LHFPL3: variants seen among roughly 807,000 people sequenced by gnomAD.
The protein encoded by LHFPL3 is LHFPL tetraspan subfamily member 3 protein.
In LHFPL3, 5 loss-of-function variants were observed where a neutral mutation model predicts 19.3. That is an observed-to-expected ratio of 0.26 (90% confidence interval 0.14 to 0.54). The LOEUF is 0.54. Among genes scored for constraint, LHFPL3 ranks in the 20% least tolerant of loss-of-function variants. The pLI, the probability that LHFPL3 is intolerant of heterozygous loss-of-function variation, is 0.94. For synonymous variants in LHFPL3, 133 were observed against 126.2 expected, an observed-to-expected ratio of 1.05 and a Z score of -0.36; for missense variants, 249 against 307.4, an observed-to-expected ratio of 0.81 and a Z score of 1.42.
chr7:104,699,107 G>A (rs188537031), intron 1 of LHFPL3, among the ~76,000 whole-genome samples: 1 of 152,288 alleles, frequency 6.6e-6, no homozygotes, highest in Admixed American at 6.5e-5. Context: ...GTAAAATGGG[G>A]CAACTACTGT....
chr7:104,856,311 C>T lies in LHFPL3; in HGVS notation c.683-49876C>T, dbSNP rs1974687. 7.4e-3 allele frequency among the ~76,000 whole-genome samples: 1,052 copies of T among 143,032 alleles called. 12 individuals carry two copies. The highest frequency in any genetic ancestry group is 0.026 in the African/African-American group (1,005 of 38,546). The allele number at this position is 143,032 out of a possible 152,430, so 93.8% of individuals were successfully genotyped here. ...TGTCACACAGGCTGGAGAGCAGTGG[C>T]GCCATCTTGGCTCACCACAACCTCT... On this transcript the variant is annotated intron_variant, in intron 2 of 2. Coordinates refer to ENST00000424859, the MANE Select transcript of LHFPL3 (RefSeq NM_199000.3).
chr7:104,762,885 A>C (rs1794399660), intron 2 of LHFPL3, among the ~76,000 whole-genome samples: 1 of 152,214 alleles, frequency 6.6e-6, no homozygotes, highest in Admixed American at 6.5e-5. Flanking sequence ...CCTGGCAGCA[A>C]GCACATGGAC....
chr7:104,503,596 G>C (rs1348384897), intron 1 of LHFPL3, among the ~76,000 whole-genome samples: 1 of 151,736 alleles, frequency 6.6e-6, no homozygotes, highest in Non-Finnish European at 1.5e-5. Flanking sequence ...TTGAGACTGG[G>C]TCTCACCCTA....
chr7:104,388,521 AC>A (rs547840304), intron 1 of LHFPL3, among the ~76,000 whole-genome samples: 150 of 152,260 alleles, frequency 9.9e-4, no homozygotes, highest in African/African-American at 3.5e-3. Context: ...ATAGTAAAAA[AC>A]GAACACTTCC....
At chr7:104,524,550 GC>G (rs1396231310) in intron 1 of LHFPL3, among the ~76,000 whole-genome samples, 2 of 152,050 alleles carry the variant, frequency 1.3e-5, no homozygotes, top group Non-Finnish European at 2.9e-5. Flanking sequence ...TTATCCTCAG[GC>G]CTAGCCCAGT....
intron 1 of LHFPL3, among the ~76,000 whole-genome samples, chr7:104,557,079 T>C (rs1435068676): frequency 6.6e-6 from 1 of 152,178 alleles, no homozygotes; most frequent in Non-Finnish European, 1.5e-5. Context: ...TTCAACAAGT[T>C]TCTAGAGAGT....
At chr7:104,651,268 GC>G (rs2115939921) in intron 1 of LHFPL3, among the ~76,000 whole-genome samples, 1 of 152,310 alleles carries the variant, frequency 6.6e-6, no homozygotes, top group Non-Finnish European at 1.5e-5. Flanking sequence ...TCTAAAACTG[GC>G]AGAAATTTGA....
chr7:104,410,794 A>C (rs1791521578), intron 1 of LHFPL3, among the ~76,000 whole-genome samples: 1 of 152,256 alleles, frequency 6.6e-6, no homozygotes, highest in African/African-American at 2.4e-5. Flanking sequence ...ATAACTCAGC[A>C]AGGAAGCAGC....
At chr7:104,555,966 A>C (rs1305782534) in intron 1 of LHFPL3, among the ~76,000 whole-genome samples, 1 of 152,178 alleles carries the variant, frequency 6.6e-6, no homozygotes, top group African/African-American at 2.4e-5. Context: ...TAAAATCTTA[A>C]AGCTCCAAAA....
intron 1 of LHFPL3, among the ~76,000 whole-genome samples, chr7:104,347,290 G>A (rs1168497981): frequency 6.6e-6 from 1 of 152,042 alleles, no homozygotes; most frequent in Non-Finnish European, 1.5e-5. Context: ...GTGTTGCCAA[G>A]CCATTGCTAC....
chr7:104,610,413 G>C (rs1268318896), intron 1 of LHFPL3, among the ~76,000 whole-genome samples: 1 of 152,110 alleles, frequency 6.6e-6, no homozygotes, highest in Non-Finnish European at 1.5e-5. Flanking sequence ...GAGAGAGAGA[G>C]AGAGAAGTAC....
At chr7:104,410,655 C>T (rs1027603846) in intron 1 of LHFPL3, among the ~76,000 whole-genome samples, 1 of 152,050 alleles carries the variant, frequency 6.6e-6, no homozygotes, top group Non-Finnish European at 1.5e-5. Context: ...ATTAAAGATT[C>T]AAACAACATC....
At chr7:104,869,898 A>G (rs1186406482) in intron 2 of LHFPL3, among the ~76,000 whole-genome samples, 2 of 152,368 alleles carry the variant, frequency 1.3e-5, no homozygotes, top group African/African-American at 2.4e-5. Flanking sequence ...ACACCGTGGA[A>G]TAGTATGCAG....
At chr7:104,824,834 T>A (rs929558043) in intron 2 of LHFPL3, among the ~76,000 whole-genome samples, 3 of 129,430 alleles carry the variant, frequency 2.3e-5, no homozygotes, top group African/African-American at 8.8e-5. Context: ...TATATAATTA[T>A]ATATTATATA....
intron 1 of LHFPL3, among the ~76,000 whole-genome samples, chr7:104,331,919 T>C (rs1393947096): frequency 6.6e-6 from 1 of 151,312 alleles, no homozygotes; most frequent in Non-Finnish European, 1.5e-5. Flanking sequence ...CAGTGCACTC[T>C]AGTCTGGGAA....
intron 1 of LHFPL3, among the ~76,000 whole-genome samples, chr7:104,715,989 G>A (rs1793378085): frequency 1.3e-5 from 2 of 152,086 alleles, no homozygotes; most frequent in Non-Finnish European, 2.9e-5. Flanking sequence ...TTAAATGTAT[G>A]GTAGAATTCA....
At chr7:104,676,917 T>C (rs938253927) in intron 1 of LHFPL3, among the ~76,000 whole-genome samples, 7 of 152,194 alleles carry the variant, frequency 4.6e-5, no homozygotes, top group Non-Finnish European at 1.0e-4. Context: ...CAGTCATTGG[T>C]GAGGGCAGAT....
intron 2 of LHFPL3, among the ~76,000 whole-genome samples, chr7:104,810,538 T>A (rs1790444361): frequency 6.6e-6 from 1 of 151,896 alleles, no homozygotes; most frequent in Non-Finnish European, 1.5e-5. Flanking sequence ...GTGCAGTAAC[T>A]GAGAAAGGGG....
chr7:104,587,520 T>G (rs1440678429), intron 1 of LHFPL3, among the ~76,000 whole-genome samples: 1 of 152,260 alleles, frequency 6.6e-6, no homozygotes, highest in East Asian at 1.9e-4. Context: ...AGTCTATCAT[T>G]GTTGGACATT....
Sources: gnomAD v4.1 joint callset for allele counts (sites outside exome capture counted in the v4.1 genomes callset) on GRCh38, gnomAD v4.1.1 for gene constraint, MANE v1.5 for transcripts, NCBI Gene and HGNC (gene_info 2026-07-23, HGNC 2026-07-21) for gene names.